MET: variants seen among roughly 807,000 people sequenced by gnomAD.
MET encodes hepatocyte growth factor receptor.
A neutral mutation model predicts 133.1 loss-of-function variants in MET; 48 were observed. The ratio of observed to expected loss-of-function variants is 0.36; its 90% CI spans 0.29 to 0.46. The LOEUF (loss-of-function observed/expected upper bound fraction) is 0.46, where lower values mean the gene tolerates loss of function less well. Among genes scored for constraint, MET ranks in the 20% least tolerant of loss-of-function variants. The pLI is 1.00. For synonymous variants in MET, 628 were observed against 616.5 expected (o/e 1.02, Z -0.28); for missense variants, 1,442 against 1,695.9 (o/e 0.85, Z 2.63).
intron 2 of MET, chr7:116,724,855 G>C (rs370598559): frequency 3.9e-6 from 5 of 1,287,268 alleles, no homozygotes; most frequent in East Asian, 5.5e-5. Context: ...AAGGTAATGT[G>C]AACACTCAGT....
intron 11 of MET, among the ~76,000 whole-genome samples, chr7:116,765,073 G>T (rs1489878653): frequency 6.6e-6 from 1 of 152,074 alleles, no homozygotes; most frequent in Non-Finnish European, 1.5e-5. Flanking sequence ...GCCAAGGCGG[G>T]TGAATCACTT....
chr7:116,789,709 G>A (rs1795425207), intron 19 of MET, among the ~76,000 whole-genome samples: 1 of 152,134 alleles, frequency 6.6e-6, no homozygotes, highest in African/African-American at 2.4e-5. Context: ...TATTACATTT[G>A]AGAGCCATCC....
intron 2 of MET, among the ~76,000 whole-genome samples, chr7:116,717,019 G>T (rs1792270844): frequency 6.6e-6 from 1 of 152,218 alleles, no homozygotes; most frequent in African/African-American, 2.4e-5. Context: ...CCATAGGGCA[G>T]GATTACTTCC....
intron 15 of MET, 83 bp downstream of exon 15, chr7:116,775,194 GACAATGGTGAAAGCA>G: frequency 7.7e-7 from 1 of 1,291,476 alleles, no homozygotes; most frequent in South Asian, 1.2e-5. Context: ...TAGGAACTTA[GACAATGGTGAAAGCA>G]ACTGACAGAG....
At chr7:116,763,652 T>C (rs1794496341) in intron 11 of MET, among the ~76,000 whole-genome samples, 1 of 152,218 alleles carries the variant, frequency 6.6e-6, no homozygotes, top group Admixed American at 6.5e-5. Flanking sequence ...TGTATCTCCG[T>C]TCTTCCTTGT....
intron 2 of MET, among the ~76,000 whole-genome samples, chr7:116,728,445 AT>A (rs901501300): frequency 4.6e-5 from 7 of 152,206 alleles, no homozygotes; most frequent in Non-Finnish European, 8.8e-5. Flanking sequence ...AGAGTTCTAC[AT>A]TTACGCCTTA....
intron 3 of MET, among the ~76,000 whole-genome samples, chr7:116,736,815 C>T (rs1793232492): frequency 6.6e-6 from 1 of 152,116 alleles, no homozygotes; most frequent in African/African-American, 2.4e-5. Context: ...AATTGTTGGT[C>T]TTCTATTTTA....
intron 2 of MET, among the ~76,000 whole-genome samples, chr7:116,722,769 G>A (rs1451988777): frequency 1.3e-5 from 2 of 151,884 alleles, no homozygotes; most frequent in African/African-American, 2.4e-5. Flanking sequence ...ATGAAATTCT[G>A]GGTTGAAAAT....
At position 116,786,442 on chromosome 7, in the gene MET, T is replaced by C. The variant is rs1453069187; in HGVS notation, c.3798+2973T>C. Among the ~76,000 whole-genome samples the C allele has an allele frequency of 3.9e-5, 6 of 152,250 alleles. No homozygotes were observed. In the South Asian group the frequency reaches 6.2e-4, roughly 16 times the overall value. On this transcript the variant is annotated intron_variant, in intron 19 of 20. Transcript: ENST00000397752. ...GTCCAAAAGCAATTATTCAACTACA[T>C]ATATAAAGTGAAAGAGAAAAGCAGT...
chr7:116,715,116 T>C (rs1792142739), intron 2 of MET, among the ~76,000 whole-genome samples: 1 of 152,234 alleles, frequency 6.6e-6, no homozygotes, highest in Non-Finnish European at 1.5e-5. Flanking sequence ...ATGTCTTTTT[T>C]ATTTGCTGCC....
At chr7:116,723,035 C>T (rs1341353915) in intron 2 of MET, among the ~76,000 whole-genome samples, 24 of 146,112 alleles carry the variant, frequency 1.6e-4, no homozygotes, top group African/African-American at 6.1e-4. Context: ...GCCTGCCTTG[C>T]TAGATTGGGG....
intron 5 of MET, among the ~76,000 whole-genome samples, chr7:116,748,451 G>A (rs1208196359): frequency 6.6e-6 from 1 of 152,148 alleles, no homozygotes; most frequent in Non-Finnish European, 1.5e-5. Flanking sequence ...CAACATATCA[G>A]AATCTCTGGG....
intron 6 of MET, among the ~76,000 whole-genome samples, chr7:116,756,588 T>A (rs980431892): frequency 2.0e-5 from 3 of 152,236 alleles, no homozygotes; most frequent in African/African-American, 7.2e-5. Flanking sequence ...TAAAAAGTTA[T>A]TTAATAAATC....
At chr7:116,735,014 T>A (rs929555798) in intron 3 of MET, among the ~76,000 whole-genome samples, 1 of 152,178 alleles carries the variant, frequency 6.6e-6, no homozygotes, top group Non-Finnish European at 1.5e-5. Flanking sequence ...TGTGCATGAC[T>A]GTCAGGCCAG....
chr7:116,692,222 T>C (rs1345511794), intron 1 of MET, among the ~76,000 whole-genome samples: 1 of 152,202 alleles, frequency 6.6e-6, no homozygotes, highest in East Asian at 1.9e-4. Context: ...ATGCTTACCT[T>C]ATAAGGTAAT....
At chr7:116,697,555 C>A (rs540615069) in intron 1 of MET, among the ~76,000 whole-genome samples, 1 of 152,108 alleles carries the variant, frequency 6.6e-6, no homozygotes, top group Admixed American at 6.6e-5. Context: ...AAATTTTGGA[C>A]GCAAATTTTG....
chr7:116,706,413 A>T (rs1199433608), intron 2 of MET, among the ~76,000 whole-genome samples: 1 of 152,140 alleles, frequency 6.6e-6, no homozygotes, highest in Admixed American at 6.6e-5. Flanking sequence ...AATGTTAATT[A>T]AAATCTTTGA....
At chr7:116,695,299 G>A (rs1377823554) in intron 1 of MET, among the ~76,000 whole-genome samples, 2 of 152,090 alleles carry the variant, frequency 1.3e-5, no homozygotes, top group African/African-American at 2.4e-5. Context: ...ACAACAAATT[G>A]TCCCTAATCC....
intron 19 of MET, 41 bp from the exon 20 acceptor site, chr7:116,795,614 C>A (rs1189614815): frequency 1.2e-6 from 2 of 1,612,158 alleles, no homozygotes; most frequent in African/African-American, 2.7e-5. Flanking sequence ...TATGTATGGT[C>A]ACATCTCTCA....
Sources: gnomAD v4.1 joint callset for allele counts (sites outside exome capture counted in the v4.1 genomes callset) on GRCh38, gnomAD v4.1.1 for gene constraint, MANE v1.5 for transcripts, NCBI Gene and HGNC (gene_info 2026-07-23, HGNC 2026-07-21) for gene names.